The following ANKRD16 variants were observed in gnomAD, a reference collection of about 807,000 sequenced individuals.
ANKRD16 encodes ankyrin repeat domain 16.
Under a neutral mutation model 37.9 loss-of-function variants are expected in ANKRD16, and 35 were observed. That is an observed-to-expected ratio of 0.92 (90% CI 0.71 to 1.23). The LOEUF is 1.23. Among genes scored for constraint, ANKRD16 ranks in the 50% most tolerant of loss-of-function variants. The probability of loss-of-function intolerance (pLI) is 0.00; values close to 1 mark genes in which losing one functional copy is unlikely to be tolerated. For synonymous variants in ANKRD16, 206 were observed against 197.2 expected (o/e 1.04, Z -0.37); for missense variants, 480 against 469.9 (o/e 1.02, Z -0.20).
rs79536520 is a variant in ANKRD16 at position 5,863,204 on chromosome 10, T to C, written c.*34-513A>G. Among the ~76,000 whole-genome samples, 3,998 of 152,050 alleles carry C rather than the reference T, an allele frequency of 0.026. 179 individuals are homozygous for C. The highest frequency in any genetic ancestry group is 0.09 in the African/African-American group (3,751 of 41,448). On this transcript the variant is annotated intron_variant, in intron 7 of 7. Coordinates refer to ENST00000380094, the MANE Select transcript of ANKRD16 (RefSeq NM_019046.3). This position sits in a 1 kb window ranked among gnomAD's most constrained non-coding sequence, Gnocchi z 4.7. ...CACAGGAGAGGGAAGGGGGAGCTGC[T>C]CTCAATTCAGATCAAGTTTCCCCTG...
Position 5,886,636 on chromosome 10 carries a change from T to G in ANKRD16, c.536-871A>C, listed in dbSNP as rs1364933130. Among the ~76,000 whole-genome samples the G allele has an allele frequency of 2.6e-5, 4 of 152,256 alleles. No homozygotes were observed. In the South Asian group the frequency reaches 6.2e-4, roughly 24 times the overall value. On this transcript the variant is annotated intron_variant, in intron 2 of 7. Transcript: ENST00000380094. ...AAGCAACACTATAAAACATCACAAG[T>G]GATGATTTTTAGAGAAACTAAAAGC...
chr10:5,873,173 T>G (rs1387456441), intron 7 of ANKRD16, among the ~76,000 whole-genome samples: 3 of 152,002 alleles, frequency 2.0e-5, no homozygotes, highest in East Asian at 3.9e-4. Context: ...GGAACTACAG[T>G]CGCATGCCAC....
Position 5,862,243 on chromosome 10 carries a change from A to C in ANKRD16, c.*482T>G, listed in dbSNP as rs1841954744. The C allele has an allele frequency of 5.7e-6, 2 of 348,502 alleles. No homozygotes were observed. Among genetic ancestry groups the C allele is most frequent in the Non-Finnish European group, 1.1e-5 (2 of 177,666 alleles). 21.6% of individuals were successfully genotyped at this position (348,502 alleles called of 1,614,324 possible). On this transcript the variant is annotated 3_prime_UTR_variant, in exon 8 of 8. Transcript: ENST00000380094. This position sits in a 1 kb window ranked among gnomAD's most constrained non-coding sequence, Gnocchi z 6.5. ...ATGGTTCCAGAGAGTTCTCTGGCTA[A>C]AGACTGCTGCTGCATCTGTTAGGCA... is the stretch of plus-strand genomic sequence containing the variant.
In ANKRD16 at chr10:5,864,061, G is replaced by A. The variant is rs1192655222; in HGVS notation, c.*34-1370C>T. Among the ~76,000 whole-genome samples, 10 of 152,016 alleles carry A rather than the reference G, an allele frequency of 6.6e-5. No individual in the cohort carries two copies. On this transcript the variant is annotated intron_variant, in intron 7 of 7. Coordinates refer to ENST00000380094, the MANE Select transcript of ANKRD16 (RefSeq NM_019046.3). The surrounding 1 kb of genome is among the most constrained non-coding windows in gnomAD (Gnocchi z 4.4). ...TATTCTCTCTCTGATGGGGAAAAAT[G>A]GCCACCTGAGGGAAGTATAAATTAC...
intron 6 of ANKRD16, among the ~76,000 whole-genome samples, chr10:5,879,751 A>G (rs960908596): frequency 1.7e-5 from 1 of 58,856 alleles, no homozygotes; most frequent in Non-Finnish European, 4.1e-5. Context: ...AACAACAAAG[A>G]TTAACAACAG....
rs999894984 is a variant in ANKRD16 at position 5,869,076 on chromosome 10, A to AT, written c.*34-6386dup. Among the ~76,000 whole-genome samples, 942 of 149,098 alleles carry AT rather than the reference A, an allele frequency of 6.3e-3. 8 individuals carry two copies. Among genetic ancestry groups the AT allele is most frequent in the African/African-American group, 0.021 (839 of 40,784 alleles). On this transcript the variant is annotated intron_variant, in intron 7 of 7. Coordinates refer to ENST00000380094, the MANE Select transcript of ANKRD16 (RefSeq NM_019046.3). This position sits in a 1 kb window ranked among gnomAD's most constrained non-coding sequence, Gnocchi z 4.0. ...TCTTAAAACATTGAGATGTTTTGCG[A>AT]TTTTTTTTTTTAAAGCTCATCAGCT...
chr10:5,879,711 T>A (rs1399460676), intron 6 of ANKRD16, among the ~76,000 whole-genome samples: 1 of 152,280 alleles, frequency 6.6e-6, no homozygotes. Context: ...AAACTGCTTT[T>A]ATGATGCATA....
chr10:5,884,029 C>G lies in ANKRD16; in HGVS notation c.627G>C (p.Leu209Phe). The part of the protein sequence containing the change: ...DYRDNCGVTA[L>F]MDAIQCGHID... ...TGTGCCCACACTGGATTGCGTCCAT[C>G]AAGGCGGTGACGCCACAGTTGTCTC... Residue 209 changes from leucine (L) to phenylalanine (F), a missense_variant, in exon 4 of 8, where the codon TTG (leucine) becomes TTC (phenylalanine). Transcript: ENST00000380094. 1.9e-6 allele frequency: 3 copies of G among 1,614,204 alleles called. No individual in the cohort carries two copies. The highest frequency in any genetic ancestry group is 2.5e-6 in the Non-Finnish European group (3 of 1,180,024).
At chr10:5,879,380 A>G (rs901616269) in intron 6 of ANKRD16, among the ~76,000 whole-genome samples, 1 of 151,948 alleles carries the variant, frequency 6.6e-6, no homozygotes, top group African/African-American at 2.4e-5. Context: ...AGGCAGAAGA[A>G]TCGCTTGAAC....
intron 6 of ANKRD16, among the ~76,000 whole-genome samples, chr10:5,879,567 C>G (rs1842251370): frequency 6.6e-6 from 1 of 151,958 alleles, no homozygotes; most frequent in Admixed American, 6.6e-5. Flanking sequence ...AGAATTTGCT[C>G]TCAGCAGATG....
At position 5,878,444 on chromosome 10, in the gene ANKRD16, T is replaced by C. The variant is rs1261443668; in HGVS notation, c.929-157A>G. Among the ~76,000 whole-genome samples, 1 of 152,122 alleles carries C rather than the reference T, an allele frequency of 6.6e-6. No homozygotes were observed. The highest frequency in any genetic ancestry group is 1.5e-5 in the Non-Finnish European group (1 of 68,022). On this transcript the variant is annotated intron_variant, in intron 6 of 7. Coordinates refer to ENST00000380094, the MANE Select transcript of ANKRD16 (RefSeq NM_019046.3). This position sits in a 1 kb window ranked among gnomAD's most constrained non-coding sequence, Gnocchi z 5.1. ...CTATACTAGATCAAAATATTTTTGT[T>C]TCTAACCTGATTGGGTTGAAAATAG...
At chr10:5,875,432 C>T (rs1164907969) in intron 7 of ANKRD16, among the ~76,000 whole-genome samples, 1 of 152,088 alleles carries the variant, frequency 6.6e-6, no homozygotes, top group Admixed American at 6.6e-5. Context: ...TTATATGGTA[C>T]ATTTGCTAAT....
At chr10:5,884,120 C>G (rs376072931) in intron 3 of ANKRD16, 43 bp from the exon 4 acceptor site, 2 of 1,498,914 alleles carry the variant, frequency 1.3e-6, no homozygotes, top group African/African-American at 1.4e-5. Flanking sequence ...AATTCAATAC[C>G]TCAAACCCAG....
intron 1 of ANKRD16, 88 bp downstream of exon 1, chr10:5,888,953 G>A: frequency 7.4e-7 from 1 of 1,346,800 alleles, no homozygotes; most frequent in South Asian, 1.6e-5. Context: ...GAACAGCTAC[G>A]GTGTCCAAGG....
At chr10:5,877,717 GTTA>G (rs1024297631) in intron 7 of ANKRD16, among the ~76,000 whole-genome samples, 2 of 152,146 alleles carry the variant, frequency 1.3e-5, no homozygotes, top group African/African-American at 2.4e-5. Context: ...TGATATTTTT[GTTA>G]TTATTATCAC....
chr10:5,881,182 T>C, intron 5 of ANKRD16: 1 of 613,862 alleles, frequency 1.6e-6, no homozygotes, highest in Non-Finnish European at 2.0e-6. Flanking sequence ...GACATTTAAT[T>C]ATTAGAATAT....
At position 5,889,140 on chromosome 10, in the gene ANKRD16, T is replaced by C. The variant is rs1176186918; in HGVS notation, c.215A>G (p.Lys72Arg). The C allele has an allele frequency of 1.3e-6, 2 of 1,597,820 alleles. No homozygotes were observed. The highest frequency in any genetic ancestry group is 1.7e-5 in the Admixed American group (1 of 59,746). Residue 72 changes from lysine (K) to arginine (R), a missense_variant, in exon 1 of 8, where the codon AAG (lysine) becomes AGG (arginine). Transcript: ENST00000380094. ...GGAGGCCGCCTCGTGCAGAGGCCGC[T>C]TGTAGTCTCGGTTGGTGGCCTCGAT... ...MDIEATNRDY[K>R]RPLHEAASMG... is the part of the protein sequence containing the mutation.
chr10:5,876,769 T>C (rs662701), intron 7 of ANKRD16, among the ~76,000 whole-genome samples: 125,698 of 152,158 alleles, frequency 0.83, 52,316 homozygotes, highest in Admixed American at 0.87. Context: ...TCACACTGAA[T>C]AAGAGGATTC....
At chr10:5,885,035 T>A (rs1842394520) in intron 3 of ANKRD16, among the ~76,000 whole-genome samples, 2 of 152,238 alleles carry the variant, frequency 1.3e-5, no homozygotes, top group South Asian at 4.1e-4. Flanking sequence ...GTAGGGATCC[T>A]GCAAGTCCTT....
Sources: allele counts gnomAD v4.1 joint callset (sites outside exome capture counted in the v4.1 genomes callset), GRCh38; gene constraint gnomAD v4.1.1; non-coding constraint Gnocchi (gnomAD v3.1); transcripts MANE v1.5; gene names NCBI Gene and HGNC (gene_info 2026-07-23, HGNC 2026-07-21).